ZNF415: variants seen among roughly 807,000 people sequenced by gnomAD.
ZNF415 encodes the protein zinc finger protein 415.
A neutral mutation model predicts 7.3 loss-of-function variants in ZNF415; 5 were observed. The ratio of observed to expected loss-of-function variants is 0.69; its 90% CI spans 0.36 to 1.44. The LOEUF (loss-of-function observed/expected upper bound fraction) is 1.44. Among genes scored for constraint, ZNF415 ranks in the 40% most tolerant of loss-of-function variants. The pLI, the probability that ZNF415 is intolerant of heterozygous loss-of-function variation, is 0.04. For missense variants in ZNF415, 628 were observed against 664.8 expected, an observed-to-expected ratio of 0.94 and a Z score of 0.61; for synonymous variants, 207 against 226.3, an observed-to-expected ratio of 0.91 and a Z score of 0.77.
At chr19:53,117,576 T>C (rs2087269982) in intron 2 of ZNF415, among the ~76,000 whole-genome samples, 1 of 151,928 alleles carries the variant, frequency 6.6e-6, no homozygotes. Context: ...AATGGTATGA[T>C]ACATTAAATG....
At position 53,108,880 on chromosome 19, in the gene ZNF415, A is replaced by T; in HGVS notation, c.1165T>A (p.Cys389Ser). 1.9e-6 allele frequency: 3 copies of T among 1,614,100 alleles called. No individual in the cohort carries two copies. The highest frequency in any genetic ancestry group is 2.5e-6 in the Non-Finnish European group (3 of 1,179,980). Residue 389 changes from cysteine to serine, a missense_variant, in exon 4 of 4, where the codon TGT becomes AGT. Cys to Ser is a moderately radical substitution (Grantham distance 112, BLOSUM62 -1). Coordinates refer to ENST00000243643, the MANE Select transcript of ZNF415 (RefSeq NM_018355.4). ...TGEKPYKCNE[C>S]GKVFSQTSSL... ...GAAGTCTGACTGAAGACTTTACCAC[A>T]TTCATTACACTTGTATGGTTTCTCC...
In ZNF415 at chr19:53,108,782, G is replaced by A. The variant is rs139949307; in HGVS notation, c.1263C>T (p.Phe421=). The A allele has an allele frequency of 5.5e-5, 88 of 1,613,170 alleles. No homozygotes were observed. The African/African-American group carries it at 9.8e-4, about 18-fold the overall frequency. Residue 421 remains phenylalanine (F), a synonymous_variant, in exon 4 of 4, where the codon TTC becomes TTT. Coordinates refer to ENST00000243643, the MANE Select transcript of ZNF415 (RefSeq NM_018355.4). ...PYKCNECGKV[F]SYNSHLASHR... ...GACTCGCAAGGTGTGAATTGTAACT[G>A]AAAACCTTACCACATTCATTGCATT...
At chr19:53,129,364 C>G (rs12974021) in intron 1 of ZNF415, among the ~76,000 whole-genome samples, 13,346 of 152,186 alleles carry the variant, frequency 0.088, 759 homozygotes, top group Non-Finnish European at 0.13. Flanking sequence ...CTGACGTGAC[C>G]TGCTTTAGAT....
At chr19:53,117,436 C>T (rs932124813) in intron 2 of ZNF415, among the ~76,000 whole-genome samples, 34 of 143,776 alleles carry the variant, frequency 2.4e-4, no homozygotes, top group African/African-American at 8.4e-4. Context: ...GGCGAAATTC[C>T]GTCTCAAAAA....
Position 53,122,754 on chromosome 19 carries a change from A to G in ZNF415, c.-67-11T>C. ...CTTTGGAAGTCAATGCTGAATAACA[A>G]CAACAAGTGCTGTTTATTGCTTAGA... On this transcript the variant is annotated splice_polypyrimidine_tract_variant and intron_variant, in intron 1 of 3. Coordinates refer to ENST00000243643, the MANE Select transcript of ZNF415 (RefSeq NM_018355.4). The G allele has an allele frequency of 6.3e-7, 1 of 1,594,166 alleles. No homozygotes were observed. Among genetic ancestry groups the G allele is most frequent in the Non-Finnish European group, 8.6e-7 (1 of 1,162,820 alleles).
intron 1 of ZNF415, among the ~76,000 whole-genome samples, chr19:53,131,697 C>G (rs1163827455): frequency 6.6e-6 from 1 of 152,104 alleles, no homozygotes; most frequent in East Asian, 1.9e-4. Context: ...TCTTTCTCTT[C>G]CACTTGCTCT....
chr19:53,123,824 C>G (rs12972000), intron 1 of ZNF415: 209,968 of 359,392 alleles, frequency 0.58, 63,397 homozygotes, highest in East Asian at 0.67. Flanking sequence ...GAAAGTCCCA[C>G]GAAATACATG....
intron 2 of ZNF415, among the ~76,000 whole-genome samples, chr19:53,117,029 T>C (rs2087167885): frequency 6.6e-6 from 1 of 152,138 alleles, no homozygotes; most frequent in Admixed American, 6.6e-5. Flanking sequence ...AAAAACTTCC[T>C]AAGTATAGTA....
At chr19:53,126,880 C>T (rs1448336620) in intron 1 of ZNF415, among the ~76,000 whole-genome samples, 2 of 103,874 alleles carry the variant, frequency 1.9e-5, no homozygotes, top group East Asian at 7.5e-4. Context: ...CTTCCCAGGG[C>T]CCCGTGGCCC....
At chr19:53,122,177 C>G (rs1315443596) in intron 2 of ZNF415, among the ~76,000 whole-genome samples, 1 of 152,066 alleles carries the variant, frequency 6.6e-6, no homozygotes, top group Admixed American at 6.6e-5. Flanking sequence ...ACCCGGGAGG[C>G]AGAGGATTCA....
chr19:53,111,534 G>T (rs949564743), intron 3 of ZNF415, among the ~76,000 whole-genome samples: 1 of 151,780 alleles, frequency 6.6e-6, no homozygotes, highest in South Asian at 2.1e-4. Context: ...GTAGAGATGG[G>T]GTTTCAGTAT....
At chr19:53,130,924 A>G (rs973271618) in intron 1 of ZNF415, among the ~76,000 whole-genome samples, 14 of 152,224 alleles carry the variant, frequency 9.2e-5, no homozygotes, top group East Asian at 3.9e-4. Flanking sequence ...GATTACAGGC[A>G]TGAGCCACCA....
At chr19:53,126,757 T>C (rs2089206390) in intron 1 of ZNF415, among the ~76,000 whole-genome samples, 2 of 117,426 alleles carry the variant, frequency 1.7e-5, no homozygotes, top group African/African-American at 5.7e-5. Flanking sequence ...CTCACCCCAT[T>C]CTATTGCACA....
intron 1 of ZNF415, among the ~76,000 whole-genome samples, chr19:53,125,919 G>A (rs2088997510): frequency 6.6e-6 from 1 of 151,326 alleles, no homozygotes; most frequent in Non-Finnish European, 1.5e-5. Flanking sequence ...GCCTGGGCAA[G>A]AGTGAGACTC....
chr19:53,112,399 T>C (rs2086367963), intron 3 of ZNF415, among the ~76,000 whole-genome samples: 1 of 152,116 alleles, frequency 6.6e-6, no homozygotes, highest in Non-Finnish European at 1.5e-5. Context: ...GTGTTGATAA[T>C]AGTGTTATTC....
In ZNF415 at chr19:53,108,188, G is replaced by A. The variant is rs1207628647; in HGVS notation, c.*189C>T. The A allele has an allele frequency of 1.3e-5, 8 of 615,186 alleles. No individual in the cohort carries two copies. The highest frequency in any genetic ancestry group is 2.2e-5 in the Non-Finnish European group (8 of 362,506). The allele number at this position is 615,186 out of a possible 1,614,324, so 38.1% of individuals were successfully genotyped here. On this transcript the variant is annotated 3_prime_UTR_variant, in exon 4 of 4. Transcript: ENST00000243643. ...AGCATGGACTCTGATGTCAATGAAT[G>A]CTTGAACTTGTGATGAAGGGTTTGC... is the stretch of plus-strand genomic sequence containing the variant.
rs58307730 is a variant in ZNF415, at chr19:53,121,077, CAAAAA to C, written c.15+1580_15+1584del. ...CCAGCCTGGGTGACAGAGGAAGACTCAAAAAAAAAAAAAAAAAAAAAAAAAGTCCT... is the reference window on the plus strand; with the variant it reads ...CCAGCCTGGGTGACAGAGGAAGACTCAAAAAAAAAAAAAAAAAAAAGTCCT... On this transcript the variant is annotated intron_variant, in intron 2 of 3. Transcript: ENST00000243643. Among the ~76,000 whole-genome samples the C allele has an allele frequency of 8.9e-3, 360 of 40,314 alleles. 2 individuals carry two copies. The highest frequency in any genetic ancestry group is 0.037 in the African/African-American group (345 of 9,280). 26.4% of individuals were successfully genotyped at this position (40,314 alleles called of 152,430 possible). A position where few individuals can be genotyped will look rare whatever the true frequency, so the allele number is the denominator to read the frequency against.
Position 53,109,356 on chromosome 19 carries a change from T to C in ZNF415, c.689A>G (p.His230Arg), listed in dbSNP as rs140509988. 292 of 1,614,200 alleles carry C rather than the reference T, an allele frequency of 1.8e-4. No homozygotes were observed. In the African/African-American group the frequency reaches 3.3e-3, roughly 18 times the overall value. Reference protein sequence around the residue: ...ECDKALNHGSHMTVRQVSHSG... With the variant: ...ECDKALNHGSRMTVRQVSHSG... ...ATGACTTACCTGACGTACAGTCATG[T>C]GTGAGCCATGATTCAAGGCTTTGTC... The change falls in exon 4 of 4, where the codon CAC (histidine) becomes CGC (arginine). Residue 230 changes from histidine to arginine, a missense_variant. Coordinates refer to ENST00000243643, the MANE Select transcript of ZNF415 (RefSeq NM_018355.4).
chr19:53,120,262 C>T (rs2087778587), intron 2 of ZNF415, among the ~76,000 whole-genome samples: 1 of 152,180 alleles, frequency 6.6e-6, no homozygotes, highest in Non-Finnish European at 1.5e-5. Flanking sequence ...CAAAATATCA[C>T]ATCTGCCCCT....
Sources: allele counts gnomAD v4.1 joint callset (sites outside exome capture counted in the v4.1 genomes callset), GRCh38; gene constraint gnomAD v4.1.1; transcripts MANE v1.5; gene names NCBI Gene and HGNC (gene_info 2026-07-23, HGNC 2026-07-21).